The following TRABD2B variants were observed in gnomAD, a reference collection of about 807,000 sequenced individuals.
The protein encoded by TRABD2B is metalloprotease TIKI2.
Under a neutral mutation model 40.1 loss-of-function variants are expected in TRABD2B, and 14 were observed. The ratio of observed to expected loss-of-function variants is 0.35; its 90% CI spans 0.23 to 0.55. The LOEUF (loss-of-function observed/expected upper bound fraction) is 0.55. Among genes scored for constraint, TRABD2B ranks in the 20% least tolerant of loss-of-function variants. TRABD2B has a pLI of 0.90. For missense variants in TRABD2B, 541 were observed against 648.6 expected (o/e 0.83, Z 1.80); for synonymous variants, 263 against 277.0 (o/e 0.95, Z 0.50).
chr1:47,996,230 G>A lies in TRABD2B; in HGVS notation c.102+458C>T, dbSNP rs548309657. Among the ~76,000 whole-genome samples the A allele has an allele frequency of 6.6e-6, 1 of 152,266 alleles. No individual in the cohort carries two copies. Among genetic ancestry groups the A allele is most frequent in the East Asian group, 1.9e-4 (1 of 5,178 alleles). The stretch of plus-strand genomic sequence containing the variant: ...GTTTGTCTTAGGTCAGAGTGGGAGG[G>A]CAGGGAGAGAGAGGGAAGCCTGGGA... On this transcript the variant is annotated intron_variant, in intron 1 of 6. Coordinates refer to ENST00000606738, the MANE Select transcript of TRABD2B (RefSeq NM_001194986.2). This position sits in a 1 kb window ranked among gnomAD's most constrained non-coding sequence, Gnocchi z 4.6.
intron 2 of TRABD2B, among the ~76,000 whole-genome samples, chr1:47,881,450 T>G (rs1033900952): frequency 2.0e-5 from 3 of 152,224 alleles, no homozygotes; most frequent in African/African-American, 7.2e-5. Flanking sequence ...TGCTAAGAAC[T>G]TGACATCCAT....
chr1:47,875,698 A>AAG (rs1557629845), intron 2 of TRABD2B, among the ~76,000 whole-genome samples: 7 of 132,256 alleles, frequency 5.3e-5, no homozygotes, highest in African/African-American at 1.4e-4. Context: ...AAAAAAAAAA[A>AAG]AAGAAGAAGG....
intron 6 of TRABD2B, among the ~76,000 whole-genome samples, chr1:47,768,836 G>C (rs142004969): frequency 6.6e-6 from 1 of 152,288 alleles, no homozygotes; most frequent in East Asian, 1.9e-4. Context: ...ACATTGCTTG[G>C]TGCTATACAC....
intron 2 of TRABD2B, among the ~76,000 whole-genome samples, chr1:47,893,140 C>T (rs1019925780): frequency 1.9e-4 from 29 of 152,138 alleles, no homozygotes; most frequent in Non-Finnish European, 3.7e-4. Flanking sequence ...TTTCATCTCC[C>T]CTGGGTTACC....
At chr1:47,995,535 T>C (rs1384085303) in intron 1 of TRABD2B, among the ~76,000 whole-genome samples, 1 of 151,850 alleles carries the variant, frequency 6.6e-6, no homozygotes, top group African/African-American at 2.4e-5. Context: ...TGTGTGTGTA[T>C]GTAGGAGCTG....
intron 2 of TRABD2B, among the ~76,000 whole-genome samples, chr1:47,894,114 C>T (rs915556277): frequency 6.6e-6 from 1 of 152,136 alleles, no homozygotes; most frequent in Non-Finnish European, 1.5e-5. Flanking sequence ...AGGCACTGTT[C>T]TGTATGCTGG....
At chr1:47,836,877 G>A (rs1010598810) in intron 2 of TRABD2B, among the ~76,000 whole-genome samples, 1 of 152,204 alleles carries the variant, frequency 6.6e-6, no homozygotes, top group African/African-American at 2.4e-5. Context: ...ATATGCTGGT[G>A]CCTTGATCTT....
rs1473922208 is a variant in TRABD2B at position 47,775,361 on chromosome 1, G to C, written c.1158C>G (p.Val386=). The C allele has an allele frequency of 9.7e-6, 12 of 1,238,748 alleles. No individual in the cohort carries two copies. The highest frequency in any genetic ancestry group is 1.1e-5 in the Non-Finnish European group (11 of 990,120). The allele number at this position is 1,238,748 out of a possible 1,614,324, so 76.7% of individuals were successfully genotyped here. A position where few individuals can be genotyped will look rare whatever the true frequency, so the allele number is the denominator to read the frequency against. Residue 386 remains valine, a synonymous_variant, in exon 6 of 7, where the codon GTC becomes GTG. Transcript: ENST00000606738. Reference sequence around the variant, plus strand: ...TGGGGGTCACAGAGGGTGCTTCGGGGACAGCGGCAGCTGGGGTCACTGGGG... The same window carrying C: ...TGGGGGTCACAGAGGGTGCTTCGGGCACAGCGGCAGCTGGGGTCACTGGGG... ...SPAPVTPAAA[V]PEAPSVTPTA...
chr1:47,910,939 A>C (rs1644754868), intron 2 of TRABD2B, among the ~76,000 whole-genome samples: 1 of 152,102 alleles, frequency 6.6e-6, no homozygotes, highest in Non-Finnish European at 1.5e-5. Flanking sequence ...CGACGGGTCT[A>C]ATTCTGGGCT....
At chr1:47,990,832 T>C (rs1307688884) in intron 2 of TRABD2B, among the ~76,000 whole-genome samples, 1 of 96,372 alleles carries the variant, frequency 1.0e-5, no homozygotes, top group Admixed American at 1.2e-4. Context: ...TATATATATA[T>C]ATAAAACGTT....
chr1:47,970,432 C>T (rs1645664771), intron 2 of TRABD2B, among the ~76,000 whole-genome samples: 2 of 152,144 alleles, frequency 1.3e-5, no homozygotes, highest in African/African-American at 4.8e-5. Context: ...GGCCAGATTC[C>T]TTACACTGAC....
intron 2 of TRABD2B, among the ~76,000 whole-genome samples, chr1:47,882,329 A>ATC (rs1644316884): frequency 2.0e-5 from 3 of 152,222 alleles, no homozygotes; most frequent in Admixed American, 6.5e-5. Context: ...CTGCCACTGC[A>ATC]TCACCCCCAG....
At chr1:47,988,613 A>G (rs1645955369) in intron 2 of TRABD2B, among the ~76,000 whole-genome samples, 2 of 152,284 alleles carry the variant, frequency 1.3e-5, no homozygotes, top group African/African-American at 2.4e-5. Context: ...ACAAATAGGT[A>G]TCAGCAGCAA....
intron 3 of TRABD2B, among the ~76,000 whole-genome samples, chr1:47,799,811 C>T (rs1253427519): frequency 6.6e-6 from 1 of 152,132 alleles, no homozygotes; most frequent in Non-Finnish European, 1.5e-5. Context: ...ATCTTTCCTT[C>T]TCTCCCCAGT....
At chr1:47,812,197 A>C (rs1387780991) in intron 2 of TRABD2B, among the ~76,000 whole-genome samples, 3 of 152,356 alleles carry the variant, frequency 2.0e-5, no homozygotes, top group African/African-American at 7.2e-5. Flanking sequence ...AAATAATAAA[A>C]CATACTGGAA....
chr1:47,883,203 A>G (rs1405371347), intron 2 of TRABD2B, among the ~76,000 whole-genome samples: 8 of 152,154 alleles, frequency 5.3e-5, no homozygotes, highest in Admixed American at 6.6e-5. Flanking sequence ...GATACTAAAT[A>G]CCTTGTCCAA....
intron 2 of TRABD2B, among the ~76,000 whole-genome samples, chr1:47,981,797 A>C (rs1003799951): frequency 6.6e-6 from 1 of 152,244 alleles, no homozygotes; most frequent in African/African-American, 2.4e-5. Context: ...AGCACTACTG[A>C]GAGCATAGAG....
chr1:47,997,138 C>G lies in TRABD2B; in HGVS notation c.-349G>C. 1.0e-6 allele frequency: 1 copy of G among 983,360 alleles called. No homozygotes were observed. The highest frequency in any genetic ancestry group is 1.2e-6 in the Non-Finnish European group (1 of 828,908). 60.9% of individuals were successfully genotyped at this position (983,360 alleles called of 1,614,324 possible). ...GCGCGCGGGGTTCCTGGGGCAGAAC[C>G]GAGAACCCGGGGTGCGCAAGGGTCC... On this transcript the variant is annotated 5_prime_UTR_variant, in exon 1 of 7. Coordinates refer to ENST00000606738, the MANE Select transcript of TRABD2B (RefSeq NM_001194986.2).
At chr1:47,881,391 A>C (rs1348236094) in intron 2 of TRABD2B, among the ~76,000 whole-genome samples, 1 of 152,212 alleles carries the variant, frequency 6.6e-6, no homozygotes, top group African/African-American at 2.4e-5. Flanking sequence ...GTTAAGACAG[A>C]ATAATACCAG....
Sources: allele counts gnomAD v4.1 joint callset (sites outside exome capture counted in the v4.1 genomes callset), GRCh38; gene constraint gnomAD v4.1.1; non-coding constraint Gnocchi (gnomAD v3.1); transcripts MANE v1.5; gene names NCBI Gene and HGNC (gene_info 2026-07-23, HGNC 2026-07-21).